The following XRN1 variants were observed in gnomAD, a reference collection of about 807,000 sequenced individuals.
XRN1 encodes the protein 5'-3' exoribonuclease 1.
Under a neutral mutation model 222.3 loss-of-function variants are expected in XRN1, and 67 were observed. The ratio of observed to expected loss-of-function variants is 0.30; its 90% confidence interval spans 0.25 to 0.37. The LOEUF is 0.37. XRN1 is among the 10% of genes least tolerant of loss of function. The pLI is 1.00. For synonymous variants in XRN1, 643 were observed against 652.4 expected (o/e 0.99, Z 0.22); for missense variants, 1,707 against 2,000.2 (o/e 0.85, Z 2.80).
chr3:142,414,552 G>A lies in XRN1; in HGVS notation c.1437-261C>T, dbSNP rs1201200881. On this transcript the variant is annotated intron_variant, in intron 13 of 40. Coordinates refer to ENST00000392981, the MANE Select transcript of XRN1 (RefSeq NM_001282857.2). ...GCTCTGTTGCCCAGGCTGGAGTGCA[G>A]TGGCGCGATCCTGGCTCACTGCAAG... Among the ~76,000 whole-genome samples the A allele has an allele frequency of 2.0e-5, 3 of 151,226 alleles. No individual in the cohort carries two copies. In the East Asian group the frequency reaches 5.8e-4, roughly 29 times the overall value.
chr3:142,402,159 T>C (rs2068164414), intron 18 of XRN1, among the ~76,000 whole-genome samples: 1 of 152,160 alleles, frequency 6.6e-6, no homozygotes, highest in South Asian at 2.1e-4. Flanking sequence ...TCCAGGTATT[T>C]AACTGTATAT....
At chr3:142,365,604 T>C (rs2066789883) in intron 27 of XRN1, among the ~76,000 whole-genome samples, 1 of 152,146 alleles carries the variant, frequency 6.6e-6, no homozygotes, top group Non-Finnish European at 1.5e-5. Flanking sequence ...TAAGACAGCA[T>C]GGGGAGGAAA....
intron 2 of XRN1, among the ~76,000 whole-genome samples, chr3:142,427,544 A>G (rs180679570): frequency 6.6e-6 from 1 of 152,336 alleles, no homozygotes. Flanking sequence ...TTTAATGTAT[A>G]CATTTAAGAT....
At chr3:142,367,985 T>C (rs2066871002) in intron 27 of XRN1, among the ~76,000 whole-genome samples, 1 of 151,326 alleles carries the variant, frequency 6.6e-6, no homozygotes, top group African/African-American at 2.4e-5. Context: ...CCCTGACAAA[T>C]TAACAGGTTT....
intron 35 of XRN1, 82 bp downstream of exon 35, chr3:142,332,885 T>C (rs1473285718): frequency 1.3e-6 from 2 of 1,539,458 alleles, no homozygotes; most frequent in African/African-American, 1.4e-5. Context: ...GATGGAAGTG[T>C]TTGAACACTT....
At chr3:142,326,401 T>C (rs558684670) in intron 37 of XRN1, among the ~76,000 whole-genome samples, 186 of 152,210 alleles carry the variant, frequency 1.2e-3, no homozygotes, top group African/African-American at 4.4e-3. Flanking sequence ...TTCTAGGTAT[T>C]TTATTTATTT....
chr3:142,363,081 T>C (rs2066698039), intron 29 of XRN1, among the ~76,000 whole-genome samples: 1 of 152,168 alleles, frequency 6.6e-6, no homozygotes, highest in Non-Finnish European at 1.5e-5. Context: ...GGCTGGCAAT[T>C]TTCTTTCAGA....
rs2069597186 is a variant in XRN1 at position 142,431,929 on chromosome 3, T to C, written c.308+732A>G. Among the ~76,000 whole-genome samples the C allele has an allele frequency of 6.4e-5, 6 of 93,218 alleles. No individual in the cohort carries two copies. The South Asian group carries it at 1.3e-3, about 21-fold the overall frequency. The allele number at this position is 93,218 out of a possible 152,430, so 61.2% of individuals were successfully genotyped here. A position where few individuals can be genotyped will look rare whatever the true frequency, so the allele number is the denominator to read the frequency against. On this transcript the variant is annotated intron_variant, in intron 2 of 40. Coordinates refer to ENST00000392981, the MANE Select transcript of XRN1 (RefSeq NM_001282857.2). ...ATATATATAAATATATATAATATAA[T>C]ATATTGTATATATTATATAATATAT...
rs899051862 is a variant in XRN1 at position 142,309,638 on chromosome 3, T to A, written c.*1873A>T. The stretch of plus-strand genomic sequence containing the variant: ...TCTACTGAAATTTCCCTTTGGAGTT[T>A]TCAGAAGATGGCAGGTGCCGCTTCT... On this transcript the variant is annotated 3_prime_UTR_variant, in exon 41 of 41. Coordinates refer to ENST00000392981, the MANE Select transcript of XRN1 (RefSeq NM_001282857.2). 6.6e-6 allele frequency: 1 copy of A among 152,238 alleles called. No individual in the cohort carries two copies. Among genetic ancestry groups the A allele is most frequent in the African/African-American group, 2.4e-5 (1 of 41,462 alleles). The allele number at this position is 152,238 out of a possible 1,614,324, so 9.4% of individuals were successfully genotyped here. A position where few individuals can be genotyped will look rare whatever the true frequency, so the allele number is the denominator to read the frequency against.
At chr3:142,385,091 A>G (rs372996453) in intron 20 of XRN1, among the ~76,000 whole-genome samples, 2 of 152,220 alleles carry the variant, frequency 1.3e-5, no homozygotes, top group African/African-American at 4.8e-5. Context: ...AGCAACATAT[A>G]ATTAACACAT....
chr3:142,397,246 G>A, intron 20 of XRN1, 83 bp downstream of exon 20: 7 of 1,345,074 alleles, frequency 5.2e-6, no homozygotes, highest in Non-Finnish European at 6.9e-6. Flanking sequence ...TAACTACTAT[G>A]TTAAATGGAA....
intron 12 of XRN1, 88 bp from the exon 13 acceptor site, chr3:142,417,317 C>T (rs2068826594): frequency 5.0e-6 from 5 of 1,001,280 alleles, no homozygotes; most frequent in South Asian, 3.6e-5. Flanking sequence ...CAACATTTTA[C>T]CTCAGATGAT....
chr3:142,324,044 T>C (rs1210711872), intron 37 of XRN1, among the ~76,000 whole-genome samples: 5 of 151,984 alleles, frequency 3.3e-5, no homozygotes, highest in Non-Finnish European at 4.4e-5. Flanking sequence ...AATTCCACTC[T>C]TTTGGTTATT....
At position 142,403,968 on chromosome 3, in the gene XRN1, A is replaced by G; in HGVS notation, c.1905T>C (p.Asp635=). 3 of 1,583,794 alleles carry G rather than the reference A, an allele frequency of 1.9e-6. No individual in the cohort carries two copies. Among genetic ancestry groups the G allele is most frequent in the Non-Finnish European group, 2.6e-6 (3 of 1,153,486 alleles). ...CCTRYKIISL[D]AWRVDINKNK... ...TTTTGTTTATGTCTACACGCCAAGC[A>G]TCTAAGGATATTATTTTATACCTAG... Residue 635 remains aspartate (D), a synonymous_variant, in exon 17 of 41, where the codon GAT becomes GAC. Transcript: ENST00000392981.
At chr3:142,364,785 A>G (rs1223618088) in intron 29 of XRN1, among the ~76,000 whole-genome samples, 4 of 152,166 alleles carry the variant, frequency 2.6e-5, no homozygotes, top group Non-Finnish European at 2.9e-5. Context: ...GCATAATTTT[A>G]ATGTGATATA....
intron 13 of XRN1, among the ~76,000 whole-genome samples, chr3:142,416,435 T>C (rs1169144775): frequency 6.6e-6 from 1 of 152,128 alleles, no homozygotes; most frequent in Admixed American, 6.5e-5. Flanking sequence ...CTGCCCACCT[T>C]GGCCTCCCAA....
intron 12 of XRN1, chr3:142,417,934 A>G (rs2068847794): frequency 6.6e-6 from 1 of 152,216 alleles, no homozygotes; most frequent in African/African-American, 2.4e-5. Flanking sequence ...AATGAAGAAC[A>G]GCATTTTTAT....
intron 34 of XRN1, among the ~76,000 whole-genome samples, chr3:142,334,863 A>C (rs1024951647): frequency 5.3e-5 from 8 of 149,714 alleles, no homozygotes; most frequent in African/African-American, 1.7e-4. Flanking sequence ...TTTGAGACAG[A>C]GTCTCACTGT....
At chr3:142,340,360 A>G (rs2065959608) in intron 33 of XRN1, among the ~76,000 whole-genome samples, 1 of 151,900 alleles carries the variant, frequency 6.6e-6, no homozygotes, top group South Asian at 2.1e-4. Context: ...CATCTCAAAA[A>G]CAACCACACA....
Sources: gnomAD v4.1 joint callset for allele counts (sites outside exome capture counted in the v4.1 genomes callset) on GRCh38, gnomAD v4.1.1 for gene constraint, MANE v1.5 for transcripts, NCBI Gene and HGNC (gene_info 2026-07-23, HGNC 2026-07-21) for gene names.